GYS1: variants seen among roughly 807,000 people sequenced by gnomAD.
GYS1 encodes the protein glycogen synthase 1, also known as glycogen [starch] synthase, muscle.
A neutral mutation model predicts 89.1 loss-of-function variants in GYS1; 60 were observed. The observed-to-expected ratio is 0.67, with a 90% CI of 0.55 to 0.84. The LOEUF (loss-of-function observed/expected upper bound fraction) is 0.84. GYS1 is among the 40% of genes least tolerant of loss of function. The pLI is 0.00. For synonymous variants in GYS1, 366 were observed against 401.7 expected, an observed-to-expected ratio of 0.91 and a Z score of 1.06; for missense variants, 888 against 1,003.1, an observed-to-expected ratio of 0.89 and a Z score of 1.55.
intron 3 of GYS1, among the ~76,000 whole-genome samples, chr19:48,986,500 TTTC>T (rs2038845770): frequency 6.6e-6 from 1 of 151,390 alleles, no homozygotes; most frequent in Non-Finnish European, 1.5e-5. Context: ...TTTTTTTTTT[TTTC>T]TTTTTCTTTT....
At chr19:48,986,118 G>A in intron 3 of GYS1, 83 bp from the exon 4 acceptor site, 1 of 1,279,392 alleles carries the variant, frequency 7.8e-7, no homozygotes, top group Non-Finnish European at 1.1e-6. Context: ...AAGGACTCGG[G>A]GAGAGGTCAA....
At chr19:48,992,512 C>G (rs1259754870) in intron 1 of GYS1, among the ~76,000 whole-genome samples, 4 of 30,024 alleles carry the variant, frequency 1.3e-4, no homozygotes, top group Non-Finnish European at 2.4e-4. Flanking sequence ...CCCGTCCCAT[C>G]TTTATTCTTA....
Position 48,982,312 on chromosome 19 carries a change from G to A in GYS1, c.1005C>T (p.Ser335=). The A allele has an allele frequency of 6.2e-7, 1 of 1,613,774 alleles. No homozygotes were observed. The change falls in exon 7 of 16, where the codon TCC becomes TCT. Residue 335 remains serine (S), a synonymous_variant. Transcript: ENST00000323798. ...CCAGGAAGACGTCAGCACCCTTGTT[G>A]GAGAACTCATAGCGGCCGGCGATAA... ...YFFIAGRYEF[S]NKGADVFLEA... is the part of the protein sequence containing the mutation.
In GYS1 at chr19:48,974,664, T is replaced by C. The variant is rs748511018; in HGVS notation, c.1378A>G (p.Ile460Val). The C allele has an allele frequency of 6.2e-7, 1 of 1,614,058 alleles. No homozygotes were observed. The highest frequency in any genetic ancestry group is 1.7e-5 in the Admixed American group (1 of 60,016). Residue 460 changes from isoleucine (I) to valine (V), a missense_variant, in exon 11 of 16, where the codon ATC (isoleucine) becomes GTC (valine). Physicochemically the swap from Ile to Val is conservative, Grantham distance 29. Coordinates refer to ENST00000323798, the MANE Select transcript of GYS1 (RefSeq NM_002103.5). ...CTATTGAAGAGGCCGATTCGGCGGATGGTGGTCAGGATGGGGTCTGAGGAG... is the reference window on the plus strand; with the variant it reads ...CTATTGAAGAGGCCGATTCGGCGGACGGTGGTCAGGATGGGGTCTGAGGAG... Reference protein sequence around the residue: ...DDSSDPILTTIRRIGLFNSSA... With the variant: ...DDSSDPILTTVRRIGLFNSSA...
intron 2 of GYS1, among the ~76,000 whole-genome samples, chr19:48,990,704 A>G (rs908383439): frequency 2.0e-5 from 3 of 152,216 alleles, no homozygotes; most frequent in Admixed American, 1.3e-4. Flanking sequence ...AAGGACACAC[A>G]GGCAGCAAGT....
intron 7 of GYS1, 110 bp from the exon 8 acceptor site, chr19:48,981,746 G>C: frequency 1.4e-6 from 1 of 725,958 alleles, no homozygotes; most frequent in Non-Finnish European, 2.5e-6. Flanking sequence ...TCCTGTCAAG[G>C]AGAATTATAG....
intron 4 of GYS1, 51 bp downstream of exon 4, chr19:48,985,799 G>C (rs770908366): frequency 6.3e-7 from 1 of 1,598,528 alleles, no homozygotes; most frequent in Non-Finnish European, 8.6e-7. Flanking sequence ...CCAGAGCTTT[G>C]GGTTTTCCTG....
At chr19:48,985,710 T>C (rs764353801) in intron 4 of GYS1, 105 bp from the exon 5 acceptor site, 1 of 1,517,484 alleles carries the variant, frequency 6.6e-7, no homozygotes, top group Admixed American at 1.7e-5. Context: ...GCTGGATTCC[T>C]GGGTCTGAGG....
In GYS1 at chr19:48,970,588, C is replaced by T; in HGVS notation, c.1767G>A (p.Thr589=). 4 of 1,613,878 alleles carry T rather than the reference C, an allele frequency of 2.5e-6. No homozygotes were observed. The highest frequency in any genetic ancestry group is 1.1e-5 in the South Asian group (1 of 91,060). ...RRQRIIQRNR[T]ERLSDLLDWK... is the part of the protein sequence containing the mutation. Reference sequence around the variant, plus strand: ...AGTCCAGAAGGTCGGAGAGGCGCTCCGTGCGGTTCCGCTGGATGATACGCT... The same window carrying T: ...AGTCCAGAAGGTCGGAGAGGCGCTCTGTGCGGTTCCGCTGGATGATACGCT... The change falls in exon 14 of 16, where the codon ACG becomes ACA. Residue 589 remains threonine (T), a synonymous_variant. Transcript: ENST00000323798.
rs1272688135 is a variant in GYS1, at chr19:48,974,736, G to C, written c.1309-3C>G. 1 of 1,597,100 alleles carries C rather than the reference G, an allele frequency of 6.3e-7. No individual in the cohort carries two copies. Among genetic ancestry groups the C allele is most frequent in the African/African-American group, 1.3e-5 (1 of 74,486 alleles). Reference sequence around the variant, plus strand: ...CACACAGGGGGGAAAGACTGCCGCTGCAGGAGCCACAAGAAGGGTAAGGGG... The same window carrying C: ...CACACAGGGGGGAAAGACTGCCGCTCCAGGAGCCACAAGAAGGGTAAGGGG... On this transcript the variant is annotated splice_polypyrimidine_tract_variant and splice_region_variant and intron_variant, in intron 10 of 15. Transcript: ENST00000323798.
At chr19:48,988,537 G>A (rs116237683) in intron 2 of GYS1, among the ~76,000 whole-genome samples, 2,749 of 150,816 alleles carry the variant, frequency 0.018, 57 homozygotes, top group African/African-American at 0.051. Flanking sequence ...CAGGCTGATC[G>A]TGAACTCCTG....
Position 48,985,349 on chromosome 19 carries a change from C to T in GYS1, c.823+112G>A, listed in dbSNP as rs556642638. ...ACCATGCCCAGCCGAAATACGTTTTCGGTTTATGCTATTTCAACTTACAGT... is the reference window on the plus strand; with the variant it reads ...ACCATGCCCAGCCGAAATACGTTTTTGGTTTATGCTATTTCAACTTACAGT... On this transcript the variant is annotated intron_variant, in intron 5 of 15. Coordinates refer to ENST00000323798, the MANE Select transcript of GYS1 (RefSeq NM_002103.5). 6.0e-5 allele frequency: 66 copies of T among 1,096,692 alleles called. 1 individual carries two copies. The highest frequency in any genetic ancestry group is 2.1e-4 in the Middle Eastern group (1 of 4,866). 67.9% of individuals were successfully genotyped at this position (1,096,692 alleles called of 1,614,324 possible).
chr19:48,983,691 C>A (rs146091877), intron 5 of GYS1, among the ~76,000 whole-genome samples: 203 of 152,224 alleles, frequency 1.3e-3, no homozygotes, highest in African/African-American at 4.7e-3. Context: ...ACCTTATACT[C>A]ACTGAGAACG....
chr19:48,982,657 G>C (rs1278869728), intron 6 of GYS1, 63 bp downstream of exon 6: 15 of 1,202,476 alleles, frequency 1.2e-5, no homozygotes, highest in Non-Finnish European at 1.2e-6. Flanking sequence ...CCCTCCCCCA[G>C]ACCTAGATGG....
Position 48,969,774 on chromosome 19 carries a change from C to A in GYS1, c.1890+1G>T. On this transcript the variant is annotated splice_donor_variant, in intron 15 of 15. Transcript: ENST00000323798. LOFTEE classifies it high-confidence loss of function. ...TAAGCAGAAATCCAGGGTCCACTCA[C>A]CGCATCCGCCTCGTTGGGCTCGTAG... is the stretch of plus-strand genomic sequence containing the variant. 6.2e-7 allele frequency: 1 copy of A among 1,613,538 alleles called. No individual in the cohort carries two copies. Among genetic ancestry groups the A allele is most frequent in the Non-Finnish European group, 8.5e-7 (1 of 1,179,526 alleles).
In GYS1 at chr19:48,990,018, T is replaced by C. The variant is rs552735611; in HGVS notation, c.300+1284A>G. On this transcript the variant is annotated intron_variant, in intron 2 of 15. Coordinates refer to ENST00000323798, the MANE Select transcript of GYS1 (RefSeq NM_002103.5). ...TTTGCTGGGGGGGGGGGGGGGCTAT[T>C]CTTAGGCCCCCAGCACGTGGGAAGC... Among the ~76,000 whole-genome samples the C allele has an allele frequency of 5.3e-3, 716 of 134,398 alleles. 22 individuals carry two copies. The highest frequency in any genetic ancestry group is 0.044 in the East Asian group (208 of 4,704). The allele number at this position is 134,398 out of a possible 152,430, so 88.2% of individuals were successfully genotyped here.
Position 48,970,600 on chromosome 19 carries a change from C to A in GYS1, c.1755G>T (p.Gln585His), listed in dbSNP as rs781618580. 6.2e-7 allele frequency: 1 copy of A among 1,613,984 alleles called. No homozygotes were observed. The highest frequency in any genetic ancestry group is 1.7e-5 in the Admixed American group (1 of 60,010). ...CGGAGAGGCGCTCCGTGCGGTTCCG[C>A]TGGATGATACGCTGCCGCCGGCTCT... is the stretch of plus-strand genomic sequence containing the variant. Reference protein sequence around the residue: ...CQQSRRQRIIQRNRTERLSDL... With the variant: ...CQQSRRQRIIHRNRTERLSDL... Residue 585 changes from glutamine to histidine, a missense_variant, in exon 14 of 16, where the codon CAG (glutamine) becomes CAT (histidine). Gln to His is a conservative substitution (Grantham distance 24). Transcript: ENST00000323798.
chr19:48,987,979 T>A (rs1401510746), intron 2 of GYS1, among the ~76,000 whole-genome samples: 1 of 152,168 alleles, frequency 6.6e-6, no homozygotes, highest in Non-Finnish European at 1.5e-5. Flanking sequence ...TTTTTTTGTA[T>A]TTTCAGTAGA....
intron 2 of GYS1, 96 bp from the exon 3 acceptor site, chr19:48,987,481 A>G: frequency 7.6e-6 from 7 of 921,096 alleles, no homozygotes; most frequent in South Asian, 1.7e-5. Context: ...GCAGATGTCT[A>G]TAGACTTAAG....
Sources: allele counts gnomAD v4.1 joint callset (sites outside exome capture counted in the v4.1 genomes callset), GRCh38; gene constraint gnomAD v4.1.1; transcripts MANE v1.5; gene names NCBI Gene and HGNC (gene_info 2026-07-23, HGNC 2026-07-21).